The following MYRIP variants were observed in gnomAD, a reference collection of about 807,000 sequenced individuals.
MYRIP encodes the protein myosin VIIA and Rab interacting protein, also known as rab effector MyRIP.
Under a neutral mutation model 98.0 loss-of-function variants are expected in MYRIP, and 49 were observed. The ratio of observed to expected loss-of-function variants is 0.50; its 90% CI spans 0.40 to 0.63. MYRIP has a LOEUF of 0.63. MYRIP is among the 30% of genes least tolerant of loss of function. The pLI, the probability that MYRIP is intolerant of heterozygous loss-of-function variation, is 0.00. For missense variants in MYRIP, 1,004 were observed against 1,058.2 expected, an observed-to-expected ratio of 0.95 and a Z score of 0.71; for synonymous variants, 404 against 409.5, an observed-to-expected ratio of 0.99 and a Z score of 0.16.
intron 2 of MYRIP, among the ~76,000 whole-genome samples, chr3:40,014,583 T>C (rs1946821344): frequency 6.6e-6 from 1 of 152,156 alleles, no homozygotes; most frequent in Admixed American, 6.5e-5. Flanking sequence ...CCACTGTGCC[T>C]CAGTTTCCTC....
chr3:39,873,348 T>A (rs1166232603), intron 1 of MYRIP, among the ~76,000 whole-genome samples: 1 of 152,216 alleles, frequency 6.6e-6, no homozygotes, highest in Non-Finnish European at 1.5e-5. Flanking sequence ...TTTAATGAGA[T>A]CCCATTTGTC....
Position 40,250,443 on chromosome 3 carries a change from A to G in MYRIP, c.2372A>G (p.Gln791Arg), listed in dbSNP as rs1304352582. Residue 791 changes from glutamine to arginine, a missense_variant, in exon 15 of 17, where the codon CAA becomes CGA. Physicochemically the swap from Gln to Arg is conservative, Grantham distance 43 (BLOSUM62 1). Transcript: ENST00000302541. ...RRDQKQRTQV[Q>R]TIDTSRQQRR... ...CTCATTGTGTTCTGTTTGTAGGTAC[A>G]AACCATAGATACATCAAGGCAGCAA... 1 of 1,614,108 alleles carries G rather than the reference A, an allele frequency of 6.2e-7. No homozygotes were observed. The highest frequency in any genetic ancestry group is 1.3e-5 in the African/African-American group (1 of 74,938).
chr3:39,825,336 A>G (rs2125577795), intron 1 of MYRIP, among the ~76,000 whole-genome samples: 1 of 152,294 alleles, frequency 6.6e-6, no homozygotes, highest in South Asian at 2.1e-4. Flanking sequence ...GGCTAGTCAT[A>G]TATGGCTTTA....
chr3:39,820,499 A>G (rs1180368513), intron 1 of MYRIP, among the ~76,000 whole-genome samples: 1 of 152,044 alleles, frequency 6.6e-6, no homozygotes, highest in African/African-American at 2.4e-5. Flanking sequence ...CATTTTCCCT[A>G]TGTAGCTCCA....
At chr3:40,148,447 C>T (rs1950052878) in intron 3 of MYRIP, among the ~76,000 whole-genome samples, 1 of 152,010 alleles carries the variant, frequency 6.6e-6, no homozygotes, top group African/African-American at 2.4e-5. Context: ...GAATTGATCC[C>T]CCATGTCTCT....
At chr3:39,895,265 CA>C (rs1460898153) in intron 1 of MYRIP, among the ~76,000 whole-genome samples, 1 of 151,840 alleles carries the variant, frequency 6.6e-6, no homozygotes, top group Non-Finnish European at 1.5e-5. Flanking sequence ...CGGCTTACTG[CA>C]ACCTTCGCCT....
intron 3 of MYRIP, among the ~76,000 whole-genome samples, chr3:40,127,078 A>G (rs187974597): frequency 1.3e-5 from 2 of 152,346 alleles, no homozygotes; most frequent in East Asian, 1.9e-4. Context: ...TACTGCCCCT[A>G]TATGGTGGTC....
At chr3:40,191,906 C>T (rs769591604) in intron 10 of MYRIP, among the ~76,000 whole-genome samples, 4 of 152,116 alleles carry the variant, frequency 2.6e-5, no homozygotes, top group African/African-American at 7.2e-5. Context: ...TAAAATGTCA[C>T]GTCTCCACCT....
Position 40,044,189 on chromosome 3 carries a change from T to G in MYRIP, c.250T>G (p.Cys84Gly). Residue 84 changes from cysteine (C) to glycine (G), a missense_variant, in exon 3 of 17, where the codon TGC becomes GGC. By Grantham distance (159) the Cys-to-Gly change is radical. Around this residue, in one of 3 missense-constraint regions of MYRIP, gnomAD observed 880 missense variants for 907.7 expected, o/e 0.97. Coordinates refer to ENST00000302541, the MANE Select transcript of MYRIP (RefSeq NM_015460.4). ...CAACACCAAGCGCCAGTGTGGAGATTGCAAATTCAATGTCTGCAAGAGCTG... is the reference window on the plus strand; with the variant it reads ...CAACACCAAGCGCCAGTGTGGAGATGGCAAATTCAATGTCTGCAAGAGCTG... ...LVNTKRQCGDCKFNVCKSCCS... is the reference protein window; with the variant it reads ...LVNTKRQCGDGKFNVCKSCCS... 1 of 1,614,148 alleles carries G rather than the reference T, an allele frequency of 6.2e-7. No homozygotes were observed. The highest frequency in any genetic ancestry group is 8.5e-7 in the Non-Finnish European group (1 of 1,180,002).
At chr3:39,830,832 GA>G (rs555547250) in intron 1 of MYRIP, among the ~76,000 whole-genome samples, 67 of 151,474 alleles carry the variant, frequency 4.4e-4, no homozygotes, top group Admixed American at 8.6e-4. Flanking sequence ...GTATAAAAAA[GA>G]AAAAAAACTG....
At chr3:40,255,422 A>ATGGTT (rs1448880048) in intron 16 of MYRIP, among the ~76,000 whole-genome samples, 1 of 152,210 alleles carries the variant, frequency 6.6e-6, no homozygotes, top group African/African-American at 2.4e-5. Flanking sequence ...TCACTTTAGA[A>ATGGTT]TGGTTTATTT....
chr3:40,200,130 T>TTTTTTTTTTTTTTTTTTTGAGACGGAGTC (rs1553626078), intron 10 of MYRIP, among the ~76,000 whole-genome samples: 1 of 150,116 alleles, frequency 6.7e-6, no homozygotes, highest in Non-Finnish European at 1.5e-5. Context: ...CATTTTCTTT[T>TTTTTTTTTTTTTTTTTTTGAGACGGAGTC]TATCATAGGC....
At chr3:39,840,085 A>T (rs940008561) in intron 1 of MYRIP, among the ~76,000 whole-genome samples, 2 of 152,142 alleles carry the variant, frequency 1.3e-5, no homozygotes, top group Non-Finnish European at 2.9e-5. Flanking sequence ...AAAGTCTCCC[A>T]CTATTATTGT....
At chr3:39,968,033 T>C (rs1241837813) in intron 2 of MYRIP, among the ~76,000 whole-genome samples, 1 of 151,498 alleles carries the variant, frequency 6.6e-6, no homozygotes, top group East Asian at 1.9e-4. Context: ...GTAGGTTGTC[T>C]ACTCTGCTGA....
rs371298227 is a variant in MYRIP at position 39,811,846 on chromosome 3, C to T, written c.-31+1930C>T. 8.8e-4 allele frequency among the ~76,000 whole-genome samples: 134 copies of T among 152,104 alleles called. 2 individuals carry two copies. In the South Asian group the frequency reaches 0.027, roughly 30 times the overall value. On this transcript the variant is annotated intron_variant, in intron 1 of 16. Transcript: ENST00000302541. ...ACTTTTGAGAAAGTGAAGTGTTAGC[C>T]ATACTCAGCTCAGTCATTTAAACTA...
intron 15 of MYRIP, among the ~76,000 whole-genome samples, 182 bp downstream of exon 15, chr3:40,250,681 G>A (rs779458150): frequency 2.0e-5 from 3 of 152,224 alleles, no homozygotes; most frequent in Admixed American, 6.5e-5. Flanking sequence ...AGGAGTGAAA[G>A]TAGCTTGTTT....
At chr3:40,228,907 G>A (rs1047518191) in intron 11 of MYRIP, among the ~76,000 whole-genome samples, 8 of 152,144 alleles carry the variant, frequency 5.3e-5, no homozygotes, top group African/African-American at 1.7e-4. Context: ...CTCTCTCCAC[G>A]AAGCCAGACA....
chr3:40,070,025 TAGG>T (rs1449766561), intron 3 of MYRIP, among the ~76,000 whole-genome samples: 2 of 152,152 alleles, frequency 1.3e-5, no homozygotes, highest in East Asian at 1.9e-4. Context: ...AATTTTTAAA[TAGG>T]AGAAGAAAAA....
At chr3:40,184,002 C>G (rs1295174787) in intron 9 of MYRIP, among the ~76,000 whole-genome samples, 1 of 152,208 alleles carries the variant, frequency 6.6e-6, no homozygotes, top group African/African-American at 2.4e-5. Flanking sequence ...CTTTTAGTAC[C>G]TATTAGTAGA....
Sources: allele counts gnomAD v4.1 joint callset (sites outside exome capture counted in the v4.1 genomes callset), GRCh38; gene constraint gnomAD v4.1.1; regional missense constraint gnomAD v4.1.1; transcripts MANE v1.5; gene names NCBI Gene and HGNC (gene_info 2026-07-23, HGNC 2026-07-21).